Variants in PTGER3 observed in about 807,000 individuals in gnomAD.
PTGER3 encodes prostaglandin E receptor 3, also known as prostaglandin E2 receptor EP3 subtype.
A neutral mutation model predicts 34.7 loss-of-function variants in PTGER3; 22 were observed. The ratio of observed to expected loss-of-function variants is 0.63; its 90% CI spans 0.45 to 0.91. The LOEUF (loss-of-function observed/expected upper bound fraction) is 0.91, where lower values mean the gene tolerates loss of function less well. PTGER3 is among the 40% of genes least tolerant of loss of function. PTGER3 has a pLI of 0.00. For missense variants in PTGER3, 468 were observed against 519.4 expected, an observed-to-expected ratio of 0.90 and a Z score of 0.96; for synonymous variants, 241 against 230.1, an observed-to-expected ratio of 1.05 and a Z score of -0.43.
intron 2 of PTGER3, among the ~76,000 whole-genome samples, chr1:70,983,855 G>A (rs1654636738): frequency 6.6e-6 from 1 of 152,072 alleles, no homozygotes; most frequent in African/African-American, 2.4e-5. Context: ...TCCACACGTA[G>A]AGCCTCCTGG....
downstream of PTGER3, among the ~76,000 whole-genome samples, chr1:70,970,618 G>A (rs188875062): frequency 1.5e-3 from 221 of 152,050 alleles, 1 homozygote; most frequent in African/African-American, 5.2e-3. Flanking sequence ...CTTTAGCATG[G>A]TACCTAAAGA....
At chr1:71,010,134 T>C in intron 2 of PTGER3, 1 of 985,228 alleles carries the variant, frequency 1.0e-6, no homozygotes, top group Non-Finnish European at 1.2e-6. Flanking sequence ...TGTCAGGTTT[T>C]TTGCCTTTCT....
intron 4 of PTGER3, among the ~76,000 whole-genome samples, chr1:70,854,930 C>A (rs1645766939): frequency 6.6e-6 from 1 of 152,092 alleles, no homozygotes; most frequent in Non-Finnish European, 1.5e-5. Context: ...CCTCAGGAAA[C>A]TAAAAATGCG....
intron 1 of PTGER3, among the ~76,000 whole-genome samples, chr1:71,044,216 C>T (rs970257472): frequency 6.6e-6 from 1 of 151,494 alleles, no homozygotes; most frequent in African/African-American, 2.4e-5. Context: ...GTGGGCGGAT[C>T]ACCTCAGGTC....
chr1:70,952,682 C>T (rs1339350261), exon 4 of PTGER3: 2 of 1,169,092 alleles, frequency 1.7e-6, no homozygotes, highest in Non-Finnish European at 2.1e-6. Context: ...GCTATTCTTA[C>T]TATAAGTCTA....
In PTGER3 at chr1:70,889,284, G is replaced by A. The variant is rs115763934; in HGVS notation, c.*24-36425C>T. Among the ~76,000 whole-genome samples, 428 of 151,540 alleles carry A rather than the reference G, an allele frequency of 2.8e-3. 3 individuals carry two copies. Among genetic ancestry groups the A allele is most frequent in the African/African-American group, 1.0e-2 (411 of 41,244 alleles). ...CAAAAAATTAGCCAGGCGTGGTGGC[G>A]GGTGCCTGTAGTCCCAGCTACTCGG... On this transcript the variant is annotated intron_variant, in intron 4 of 4. Transcript: ENST00000370931.
chr1:70,885,012 G>T (rs905244907), intron 4 of PTGER3, among the ~76,000 whole-genome samples: 2 of 152,098 alleles, frequency 1.3e-5, no homozygotes, highest in African/African-American at 4.8e-5. Context: ...ACTGAATTCT[G>T]TAAATTTTTG....
intron 1 of PTGER3, among the ~76,000 whole-genome samples, chr1:71,030,836 A>AT (rs67754812): frequency 0.28 from 42,894 of 150,600 alleles, 6,427 homozygotes; most frequent in East Asian, 0.43. Flanking sequence ...AATTTCAGTG[A>AT]TTTTTTTTTT....
chr1:71,008,914 G>A (rs943252926), intron 2 of PTGER3: 5 of 978,154 alleles, frequency 5.1e-6, no homozygotes, highest in African/African-American at 1.8e-5. Flanking sequence ...CTAGAATCCT[G>A]TGTATTGCAG....
intron 4 of PTGER3, chr1:70,865,597 T>C (rs1028192725): frequency 1.6e-6 from 2 of 1,258,116 alleles, no homozygotes; most frequent in East Asian, 4.7e-5. Flanking sequence ...AGATGAAAGA[T>C]GGTAAGTTAT....
chr1:70,910,185 C>CT (rs1647032089), intron 4 of PTGER3, among the ~76,000 whole-genome samples: 1 of 152,132 alleles, frequency 6.6e-6, no homozygotes, highest in Admixed American at 6.5e-5. Flanking sequence ...AAATGAAGGT[C>CT]TACAGTTTTA....
rs139294246 is a variant in PTGER3, at chr1:70,865,091, G to GAA, written c.*24-12234_*24-12233dup. The stretch of plus-strand genomic sequence containing the variant: ...ATAGCATTTCAAGGCAAGAAAATAT[G>GAA]AAAAAAAATGATATTTTGGGAGATC... On this transcript the variant is annotated intron_variant, in intron 4 of 4. Transcript: ENST00000370931. Among the ~76,000 whole-genome samples, 781 of 149,808 alleles carry GAA rather than the reference G, an allele frequency of 5.2e-3. 6 individuals carry two copies. Among genetic ancestry groups the GAA allele is most frequent in the African/African-American group, 0.018 (731 of 40,822 alleles).
chr1:70,950,184 A>G (rs573663907), downstream of PTGER3, among the ~76,000 whole-genome samples: 1 of 152,324 alleles, frequency 6.6e-6, no homozygotes, highest in African/African-American at 2.4e-5. Context: ...TGAAGTAAAC[A>G]ACCTATTGCA....
At chr1:71,016,406 TTTG>T (rs1657900605) in intron 1 of PTGER3, among the ~76,000 whole-genome samples, 1 of 152,182 alleles carries the variant, frequency 6.6e-6, no homozygotes, top group African/African-American at 2.4e-5. Flanking sequence ...TATATAAAGT[TTTG>T]TTGTTATATT....
chr1:70,952,923 GTTGAGA>G, exon 4 of PTGER3: 1 of 1,609,916 alleles, frequency 6.2e-7, no homozygotes, highest in Non-Finnish European at 8.5e-7. Flanking sequence ...TGTCTTTACT[GTTGAGA>G]TTCTGGTGTA....
chr1:70,873,729 C>T (rs1646214809), intron 4 of PTGER3, among the ~76,000 whole-genome samples: 1 of 151,006 alleles, frequency 6.6e-6, no homozygotes, highest in South Asian at 2.1e-4. Flanking sequence ...CTCACTGCAA[C>T]CTCTGCCTCC....
At position 70,971,382 on chromosome 1, in the gene PTGER3, C is replaced by G; in HGVS notation, c.*348G>C. 1 of 1,030,836 alleles carries G rather than the reference C, an allele frequency of 9.7e-7. No individual in the cohort carries two copies. The allele number at this position is 1,030,836 out of a possible 1,614,324, so 63.9% of individuals were successfully genotyped here. On this transcript the variant is annotated 3_prime_UTR_variant, in exon 4 of 4. Transcript: ENST00000306666. ...AGCTATCATGAAATGTAAAGATGTC[C>G]ACTTTGGTTAAGATTCACGTAAAGG... is the stretch of plus-strand genomic sequence containing the variant.
chr1:70,934,742 A>G (rs1030610954), intron 4 of PTGER3, among the ~76,000 whole-genome samples: 15 of 152,176 alleles, frequency 9.9e-5, no homozygotes, highest in African/African-American at 3.4e-4. Flanking sequence ...TGATAGTTAC[A>G]TAAGATGATT....
intron 1 of PTGER3, among the ~76,000 whole-genome samples, chr1:71,034,207 CAA>C (rs1467510894): frequency 2.6e-5 from 4 of 151,902 alleles, no homozygotes; most frequent in Admixed American, 6.6e-5. Flanking sequence ...AACTACAAAA[CAA>C]TGATTTATAC....
Sources: gnomAD v4.1 joint callset for allele counts (sites outside exome capture counted in the v4.1 genomes callset) on GRCh38, gnomAD v4.1.1 for gene constraint, MANE v1.5 for transcripts, NCBI Gene and HGNC (gene_info 2026-07-23, HGNC 2026-07-21) for gene names.